TDRD9: variants seen among roughly 807,000 people sequenced by gnomAD.
The protein encoded by TDRD9 is tudor domain containing 9.
A neutral mutation model predicts 172.6 loss-of-function variants in TDRD9; 124 were observed. The ratio of observed to expected loss-of-function variants is 0.72; its 90% CI spans 0.62 to 0.83. The LOEUF is 0.83. Ranked by LOEUF, TDRD9 falls within the 40% of genes least tolerant of loss-of-function variation. TDRD9 has a pLI of 0.00. For missense variants in TDRD9, 1,479 were observed against 1,714.1 expected (o/e 0.86, Z 2.42); for synonymous variants, 619 against 617.1 (o/e 1.00, Z -0.05).
chr14:103,989,508 C>A (rs116934148), intron 8 of TDRD9, among the ~76,000 whole-genome samples: 1 of 152,302 alleles, frequency 6.6e-6, no homozygotes, highest in East Asian at 1.9e-4. Context: ...ATCTTTAGGT[C>A]CATGGATGGG....
chr14:104,045,180 C>T (rs1471894519), intron 34 of TDRD9, among the ~76,000 whole-genome samples: 1 of 151,734 alleles, frequency 6.6e-6, no homozygotes, highest in Non-Finnish European at 1.5e-5. Context: ...AACTGTTTTC[C>T]AAAATAGCTG....
At chr14:104,011,488 A>G (rs1294205257) in intron 20 of TDRD9, among the ~76,000 whole-genome samples, 1 of 152,236 alleles carries the variant, frequency 6.6e-6, no homozygotes, top group Non-Finnish European at 1.5e-5. Flanking sequence ...CATATTTGAT[A>G]GAACACATTC....
rs143163104 is a variant in TDRD9, at chr14:104,013,056, G to C, written c.2107-1669G>C. Among the ~76,000 whole-genome samples the C allele has an allele frequency of 3.9e-3, 601 of 152,272 alleles. 4 individuals are homozygous for C. The highest frequency in any genetic ancestry group is 0.014 in the African/African-American group (564 of 41,562). On this transcript the variant is annotated intron_variant, in intron 20 of 35. Coordinates refer to ENST00000409874, the MANE Select transcript of TDRD9 (RefSeq NM_153046.3). ...CAGGGGTACAGAGGCGAGCATCTGA[G>C]TGTGCTCTCCCTTGCTTCCCATGTC...
chr14:103,933,647 A>G (rs1055964195), intron 1 of TDRD9, among the ~76,000 whole-genome samples: 4 of 152,202 alleles, frequency 2.6e-5, no homozygotes, highest in South Asian at 2.1e-4. Flanking sequence ...AGCTCAAGCA[A>G]TCTGCCTGCC....
At chr14:103,955,209 A>G (rs1391130675) in intron 1 of TDRD9, among the ~76,000 whole-genome samples, 2 of 152,070 alleles carry the variant, frequency 1.3e-5, no homozygotes, top group African/African-American at 4.8e-5. Flanking sequence ...ACAGGTGTGA[A>G]CCACCATGCC....
At chr14:103,959,809 C>T (rs1391335612) in intron 2 of TDRD9, among the ~76,000 whole-genome samples, 6 of 152,138 alleles carry the variant, frequency 3.9e-5, no homozygotes, top group Non-Finnish European at 7.4e-5. Context: ...GATTTATTTG[C>T]ATTGATAAAT....
At chr14:103,996,634 G>A (rs1012523180) in intron 12 of TDRD9, among the ~76,000 whole-genome samples, 1 of 152,210 alleles carries the variant, frequency 6.6e-6, no homozygotes, top group Non-Finnish European at 1.5e-5. Flanking sequence ...AGTGTGGCTG[G>A]AATGGGTAAA....
At chr14:103,958,927 C>G (rs959655951) in intron 2 of TDRD9, among the ~76,000 whole-genome samples, 1 of 152,092 alleles carries the variant, frequency 6.6e-6, no homozygotes. Flanking sequence ...TGGGCTGTAA[C>G]GAAGAGTTTT....
At chr14:104,046,201 C>T (rs960548995) in intron 34 of TDRD9, among the ~76,000 whole-genome samples, 3 of 152,162 alleles carry the variant, frequency 2.0e-5, no homozygotes, top group East Asian at 3.8e-4. Flanking sequence ...GTGATCTGCC[C>T]GCCTCAGCCT....
chr14:104,049,715 C>T (rs958879114), intron 35 of TDRD9, 35 bp downstream of exon 35: 1 of 1,533,002 alleles, frequency 6.5e-7, no homozygotes, highest in Admixed American at 1.9e-5. Context: ...TGAGCAGAGG[C>T]CACGTGGAGG....
At position 103,957,524 on chromosome 14, in the gene TDRD9, T is replaced by C. The variant is rs1417775891; in HGVS notation, c.322+1754T>C. ...AAAGTTGTACGTATAAGAATGTTTA[T>C]TGAATTGTTACTTAATCTATGGGAA... On this transcript the variant is annotated intron_variant, in intron 2 of 35. Transcript: ENST00000409874. Among the ~76,000 whole-genome samples the C allele has an allele frequency of 2.6e-5, 4 of 152,250 alleles. No homozygotes were observed. The South Asian group carries it at 8.3e-4, about 32-fold the overall frequency.
chr14:104,034,065 G>C lies in TDRD9; in HGVS notation c.3615G>C (p.Ala1205=), dbSNP rs1056416033. The change falls in exon 31 of 36, where the codon GCG becomes GCC. Residue 1205 remains alanine, a synonymous_variant. Transcript: ENST00000409874. ...TTGCAGCTTCCCTTTCCATCAATGC[G>C]ACTGGTAATTTAAAGATCCTGTTTA... ...MLVAASLSIN[A]TGSTMLLRET... 6.5e-7 allele frequency: 1 copy of C among 1,544,242 alleles called. No homozygotes were observed. The highest frequency in any genetic ancestry group is 8.8e-7 in the Non-Finnish European group (1 of 1,140,408).
intron 16 of TDRD9, 25 bp downstream of exon 16, chr14:104,006,579 T>C: frequency 6.2e-7 from 1 of 1,611,976 alleles, no homozygotes; most frequent in South Asian, 1.1e-5. Flanking sequence ...AAATAAATGC[T>C]AATGGGAAGT....
chr14:104,037,786 T>C (rs192604804), intron 32 of TDRD9, among the ~76,000 whole-genome samples: 2 of 152,292 alleles, frequency 1.3e-5, no homozygotes, highest in Non-Finnish European at 2.9e-5. Flanking sequence ...GGTGCCAGCT[T>C]TCCTCTTCCC....
intron 1 of TDRD9, among the ~76,000 whole-genome samples, chr14:103,936,167 G>C (rs188530402): frequency 6.6e-6 from 1 of 152,246 alleles, no homozygotes; most frequent in Non-Finnish European, 1.5e-5. Flanking sequence ...CTGCAGCCTT[G>C]ACGTGGGCTC....
chr14:104,018,398 C>T (rs560675805), intron 23 of TDRD9, among the ~76,000 whole-genome samples: 1 of 152,288 alleles, frequency 6.6e-6, no homozygotes, highest in African/African-American at 2.4e-5. Flanking sequence ...CCTAAAGGAA[C>T]TAAGCTGCTG....
chr14:103,965,574 A>G lies in TDRD9; in HGVS notation c.642+20A>G. 1.6e-6 allele frequency: 1 copy of G among 632,278 alleles called. No homozygotes were observed. Among genetic ancestry groups the G allele is most frequent in the Non-Finnish European group, 2.7e-6 (1 of 365,552 alleles). 39.2% of individuals were successfully genotyped at this position (632,278 alleles called of 1,614,324 possible). The stretch of plus-strand genomic sequence containing the variant: ...TACCAGGTGAGACTGGGAGGGAGGG[A>G]GGGACTAAGAGAGCCAGCTGTCTCT... On this transcript the variant is annotated intron_variant, in intron 4 of 35. Coordinates refer to ENST00000409874, the MANE Select transcript of TDRD9 (RefSeq NM_153046.3).
rs1380608546 is a variant in TDRD9 at position 104,049,783 on chromosome 14, G to C, written c.4047+103G>C. 3.0e-6 allele frequency: 3 copies of C among 997,318 alleles called. No individual in the cohort carries two copies. The African/African-American group carries it at 4.9e-5, about 16-fold the overall frequency. The allele number at this position is 997,318 out of a possible 1,614,324, so 61.8% of individuals were successfully genotyped here. A position where few individuals can be genotyped will look rare whatever the true frequency, so the allele number is the denominator to read the frequency against. The stretch of plus-strand genomic sequence containing the variant: ...GAGCCAGGGCTGGCCGAGGGTCTGA[G>C]AGGCAGAGACAGGAGGCAAAGTGGA... On this transcript the variant is annotated intron_variant, in intron 35 of 35. Coordinates refer to ENST00000409874, the MANE Select transcript of TDRD9 (RefSeq NM_153046.3).
At chr14:103,973,464 C>T (rs768550047) in intron 6 of TDRD9, among the ~76,000 whole-genome samples, 8 of 152,196 alleles carry the variant, frequency 5.3e-5, no homozygotes, top group Non-Finnish European at 8.8e-5. Flanking sequence ...ACCTTGTTGT[C>T]ACCTCTTGCT....
Sources: gnomAD v4.1 joint callset for allele counts (sites outside exome capture counted in the v4.1 genomes callset) on GRCh38, gnomAD v4.1.1 for gene constraint, MANE v1.5 for transcripts, NCBI Gene and HGNC (gene_info 2026-07-23, HGNC 2026-07-21) for gene names.